RIMKLA: variants seen among roughly 807,000 people sequenced by gnomAD.
RIMKLA encodes ribosomal modification protein rimK like family member A, also known as N-acetylaspartylglutamate synthase A.
Under a neutral mutation model 32.7 loss-of-function variants are expected in RIMKLA, and 14 were observed. The ratio of observed to expected loss-of-function variants is 0.43; its 90% CI spans 0.28 to 0.67. RIMKLA has a LOEUF of 0.67. RIMKLA is among the 30% of genes least tolerant of loss of function. The pLI is 0.18. For missense variants in RIMKLA, 410 were observed against 519.0 expected (o/e 0.79, Z 2.04); for synonymous variants, 176 against 204.1 (o/e 0.86, Z 1.18).
chr1:42,410,086 C>G lies in RIMKLA; in HGVS notation c.584C>G (p.Ser195Cys). ...PYLFQKYVKE[S>C]HGKDIRVVVV... is the part of the protein sequence containing the mutation. Reference sequence around the variant, plus strand: ...CTGTTCCAGAAGTACGTGAAGGAGTCCCATGGAAAGGACATCCGGGTGGTG... The same window carrying G: ...CTGTTCCAGAAGTACGTGAAGGAGTGCCATGGAAAGGACATCCGGGTGGTG... The change falls in exon 4 of 5, where the codon TCC becomes TGC. Residue 195 changes from serine to cysteine, a missense_variant. Coordinates refer to ENST00000431473, the MANE Select transcript of RIMKLA (RefSeq NM_173642.4). 6.2e-7 allele frequency: 1 copy of G among 1,614,102 alleles called. No individual in the cohort carries two copies. The highest frequency in any genetic ancestry group is 2.2e-5 in the East Asian group (1 of 44,892).
chr1:42,400,943 A>G (rs1394780540), intron 2 of RIMKLA, among the ~76,000 whole-genome samples: 1 of 152,040 alleles, frequency 6.6e-6, no homozygotes, highest in Non-Finnish European at 1.5e-5. Context: ...TTTTATGTAT[A>G]TTTTAACACC....
intron 4 of RIMKLA, chr1:42,412,329 ATC>A (rs950570322): frequency 4.3e-4 from 76 of 176,810 alleles, no homozygotes; most frequent in African/African-American, 1.2e-3. Flanking sequence ...TCCTTTCCAT[ATC>A]TCTCTCTCTC....
rs1642881765 is a variant in RIMKLA at position 42,380,977 on chromosome 1, G to T, written c.43G>T (p.Glu15Ter). Residue 15 changes from glutamate to a stop codon, truncating the protein, a stop_gained, in exon 1 of 5, where the codon GAG becomes TAG. Transcript: ENST00000431473. LOFTEE classifies it high-confidence loss of function. ...LWFLTDRRIR[E>*]DYPQVQILRA... ...GTTCCTGACGGACCGGCGCATCCGC[G>T]AGGACTACCCGCAGGTGCAGATCCT... 1.4e-6 allele frequency: 2 copies of T among 1,451,378 alleles called. No individual in the cohort carries two copies. Among genetic ancestry groups the T allele is most frequent in the African/African-American group, 1.5e-5 (1 of 68,060 alleles). The allele number at this position is 1,451,378 out of a possible 1,614,324, so 89.9% of individuals were successfully genotyped here.
chr1:42,405,362 G>A (rs1278736800), intron 3 of RIMKLA, among the ~76,000 whole-genome samples: 1 of 152,168 alleles, frequency 6.6e-6, no homozygotes, highest in Non-Finnish European at 1.5e-5. Context: ...CTGCTCATTG[G>A]TGGGGACCAG....
intron 1 of RIMKLA, among the ~76,000 whole-genome samples, chr1:42,397,470 CGCA>C (rs1329837707): frequency 6.6e-6 from 1 of 152,162 alleles, no homozygotes; most frequent in Non-Finnish European, 1.5e-5. Flanking sequence ...TGCCTGTAAT[CGCA>C]GCACTTTGGG....
intron 2 of RIMKLA, among the ~76,000 whole-genome samples, chr1:42,401,459 A>AT (rs1411732004): frequency 8.0e-6 from 1 of 124,460 alleles, no homozygotes; most frequent in Non-Finnish European, 1.7e-5. Flanking sequence ...TAAAAAAAAA[A>AT]GGAAGGAGGG....
intron 3 of RIMKLA, among the ~76,000 whole-genome samples, chr1:42,408,958 A>C (rs1643173018): frequency 6.6e-6 from 1 of 152,052 alleles, no homozygotes; most frequent in Admixed American, 6.5e-5. Context: ...CTGTAATCCC[A>C]GCACTTTGGG....
chr1:42,383,184 C>T (rs905851184), intron 1 of RIMKLA, among the ~76,000 whole-genome samples: 100 of 152,126 alleles, frequency 6.6e-4, no homozygotes, highest in Admixed American at 6.6e-4. Flanking sequence ...CCGCGTCCGG[C>T]CTGTTCTTTT....
intron 3 of RIMKLA, among the ~76,000 whole-genome samples, 167 bp from the exon 4 acceptor site, chr1:42,409,817 T>C (rs1643181427): frequency 2.0e-5 from 3 of 152,186 alleles, no homozygotes; most frequent in African/African-American, 7.2e-5. Context: ...GAAAGTAAGG[T>C]TCTGTGGTCA....
chr1:42,411,511 A>G (rs1452332937), intron 4 of RIMKLA, among the ~76,000 whole-genome samples: 1 of 151,322 alleles, frequency 6.6e-6, no homozygotes, highest in Admixed American at 6.6e-5. Flanking sequence ...CACAGGCCAG[A>G]ATGCAGTGGC....
intron 1 of RIMKLA, among the ~76,000 whole-genome samples, chr1:42,397,509 G>T (rs1643057738): frequency 6.6e-6 from 1 of 152,154 alleles, no homozygotes. Context: ...GATCACTTGA[G>T]ACTGGGAGTT....
intron 1 of RIMKLA, among the ~76,000 whole-genome samples, chr1:42,382,037 G>A (rs948577471): frequency 1.3e-5 from 2 of 152,182 alleles, no homozygotes; most frequent in Non-Finnish European, 2.9e-5. Context: ...GGTTAAATAA[G>A]CTCGTAATCT....
chr1:42,400,379 G>A (rs1391914535), intron 2 of RIMKLA, among the ~76,000 whole-genome samples: 1 of 152,196 alleles, frequency 6.6e-6, no homozygotes, highest in Non-Finnish European at 1.5e-5. Context: ...TGGCTATACT[G>A]TGGAGAAGGA....
At chr1:42,384,523 G>GTATA (rs1434267142) in intron 1 of RIMKLA, among the ~76,000 whole-genome samples, 5 of 142,634 alleles carry the variant, frequency 3.5e-5, no homozygotes, top group African/African-American at 7.7e-5. Context: ...ATATATGTGT[G>GTATA]TATATATACA....
At position 42,423,840 on chromosome 1, in the gene RIMKLA, T is replaced by C. The variant is rs1239523239; in HGVS notation, c.*8866T>C. 1.3e-5 allele frequency among the ~76,000 whole-genome samples: 2 copies of C among 152,204 alleles called. No homozygotes were observed. The highest frequency in any genetic ancestry group is 2.9e-5 in the Non-Finnish European group (2 of 68,042). ...TCTTAAATCTGGTGAGAGGCTTCTC[T>C]CAAAAATGATCGCTCTTCCACTAAC... On this transcript the variant is annotated 3_prime_UTR_variant, in exon 5 of 5. Transcript: ENST00000431473.
chr1:42,419,048 G>C lies in RIMKLA; in HGVS notation c.*4074G>C, dbSNP rs752960700. On this transcript the variant is annotated 3_prime_UTR_variant, in exon 5 of 5. Transcript: ENST00000431473. ...TGTTCATAGATCTGGGACTGTTTTT[G>C]ACTGTACCTCTGAGACTCAAGATCA... 1 of 152,202 alleles carries C rather than the reference G, an allele frequency of 6.6e-6. No individual in the cohort carries two copies. Among genetic ancestry groups the C allele is most frequent in the African/African-American group, 2.4e-5 (1 of 41,432 alleles). The allele number at this position is 152,202 out of a possible 1,614,324, so 9.4% of individuals were successfully genotyped here. A position where few individuals can be genotyped will look rare whatever the true frequency, so the allele number is the denominator to read the frequency against.
Position 42,415,577 on chromosome 1 carries a change from C to G in RIMKLA, c.*603C>G, listed in dbSNP as rs1643239657. ...GAAAGTGAGATTGAACGTTCTTTGA[C>G]TTCACAGGTTGGCAAATGTCCTGCT... On this transcript the variant is annotated 3_prime_UTR_variant, in exon 5 of 5. Coordinates refer to ENST00000431473, the MANE Select transcript of RIMKLA (RefSeq NM_173642.4). The G allele has an allele frequency of 6.6e-6, 1 of 152,296 alleles. No individual in the cohort carries two copies. Among genetic ancestry groups the G allele is most frequent in the Non-Finnish European group, 1.5e-5 (1 of 68,092 alleles). The allele number at this position is 152,296 out of a possible 1,614,324, so 9.4% of individuals were successfully genotyped here. A position where few individuals can be genotyped will look rare whatever the true frequency, so the allele number is the denominator to read the frequency against.
intron 3 of RIMKLA, among the ~76,000 whole-genome samples, 163 bp downstream of exon 3, chr1:42,404,760 T>C (rs1212591166): frequency 6.6e-6 from 1 of 152,230 alleles, no homozygotes; most frequent in East Asian, 1.9e-4. Flanking sequence ...TTTTGTCAGA[T>C]CATGCTCACC....
Position 42,399,649 on chromosome 1 carries a change from A to C in RIMKLA, c.394+15A>C, listed in dbSNP as rs1424872813. ...CTTCTCCTATGGTGAGTCAGCTTGAAATAGCTTCCCAAATCATGTGCATCT... is the reference window on the plus strand; with the variant it reads ...CTTCTCCTATGGTGAGTCAGCTTGACATAGCTTCCCAAATCATGTGCATCT... On this transcript the variant is annotated intron_variant, in intron 2 of 4. Coordinates refer to ENST00000431473, the MANE Select transcript of RIMKLA (RefSeq NM_173642.4). 14 of 1,478,948 alleles carry C rather than the reference A, an allele frequency of 9.5e-6. No homozygotes were observed. The highest frequency in any genetic ancestry group is 1.3e-5 in the Non-Finnish European group (14 of 1,068,004). The allele number at this position is 1,478,948 out of a possible 1,614,324, so 91.6% of individuals were successfully genotyped here.
Sources: gnomAD v4.1 joint callset for allele counts (sites outside exome capture counted in the v4.1 genomes callset) on GRCh38, gnomAD v4.1.1 for gene constraint, MANE v1.5 for transcripts, NCBI Gene and HGNC (gene_info 2026-07-23, HGNC 2026-07-21) for gene names.